RANBP10: variants seen among roughly 807,000 people sequenced by gnomAD.
The protein encoded by RANBP10 is ran-binding protein 10.
In RANBP10, 24 loss-of-function variants were observed where a neutral mutation model predicts 72.8. The ratio of observed to expected loss-of-function variants is 0.33; its 90% CI spans 0.24 to 0.46. RANBP10 has a LOEUF of 0.46. RANBP10 is among the 20% of genes least tolerant of loss of function. The pLI, the probability that RANBP10 is intolerant of heterozygous loss-of-function variation, is 1.00. For missense variants in RANBP10, 679 were observed against 817.5 expected, an observed-to-expected ratio of 0.83 and a Z score of 2.07; for synonymous variants, 310 against 322.3, an observed-to-expected ratio of 0.96 and a Z score of 0.41.
In RANBP10 at chr16:67,730,415, G is replaced by T. The variant is rs2053704326; in HGVS notation, c.890-369C>A. On this transcript the variant is annotated intron_variant, in intron 7 of 13. Transcript: ENST00000317506. The surrounding 1 kb of genome is among the most constrained non-coding windows in gnomAD (Gnocchi z 4.3). ...GGGCACCCAGGCAGCTTGGCGGCCT[G>T]AGTGGCTCCTCTTCAGACAGACTCC... is the stretch of plus-strand genomic sequence containing the variant. Among the ~76,000 whole-genome samples, 1 of 152,290 alleles carries T rather than the reference G, an allele frequency of 6.6e-6. No individual in the cohort carries two copies. The highest frequency in any genetic ancestry group is 2.1e-4 in the South Asian group (1 of 4,826).
rs145855261 is a variant in RANBP10, at chr16:67,747,403, G to A, written c.401-2948C>T. On this transcript the variant is annotated intron_variant, in intron 3 of 13. Coordinates refer to ENST00000317506, the MANE Select transcript of RANBP10 (RefSeq NM_020850.3). ...GTTTATTGTATTGCACTTGTTTATC[G>A]TATTGCACTGTAAAGGTTCTTGATG... is the stretch of plus-strand genomic sequence containing the variant. 3.3e-3 allele frequency among the ~76,000 whole-genome samples: 496 copies of A among 152,026 alleles called. 5 individuals are homozygous for A. Among genetic ancestry groups the A allele is most frequent in the African/African-American group, 0.011 (461 of 41,454 alleles).
rs139522687 is a variant in RANBP10 at position 67,778,631 on chromosome 16, G to A, written c.348-6545C>T. ...TGTGGGAGGCTGAGGCAGGAGGATC[G>A]CTTGAGCCCAGGAGTTTGGGACTAG... On this transcript the variant is annotated intron_variant, in intron 2 of 13. Coordinates refer to ENST00000317506, the MANE Select transcript of RANBP10 (RefSeq NM_020850.3). Among the ~76,000 whole-genome samples the A allele has an allele frequency of 4.9e-4, 75 of 152,272 alleles. 1 individual carries two copies. Among genetic ancestry groups the A allele is most frequent in the African/African-American group, 1.6e-3 (65 of 41,550 alleles).
At chr16:67,737,061 AAT>A (rs1392679329) in intron 5 of RANBP10, among the ~76,000 whole-genome samples, 1 of 151,808 alleles carries the variant, frequency 6.6e-6, no homozygotes, top group East Asian at 1.9e-4. Flanking sequence ...GATGACTCAT[AAT>A]AGAGACTGGA....
intron 2 of RANBP10, among the ~76,000 whole-genome samples, chr16:67,799,504 G>A (rs1380043723): frequency 6.6e-6 from 1 of 152,006 alleles, no homozygotes; most frequent in Non-Finnish European, 1.5e-5. Context: ...AGCCACGATG[G>A]TCTCGATCTC....
At chr16:67,740,238 G>T (rs1315673108) in intron 4 of RANBP10, among the ~76,000 whole-genome samples, 2 of 152,006 alleles carry the variant, frequency 1.3e-5, no homozygotes, top group African/African-American at 4.8e-5. Flanking sequence ...AAGTAGCTGG[G>T]ACTACAAGTG....
chr16:67,794,019 A>G (rs2055079558), intron 2 of RANBP10, among the ~76,000 whole-genome samples: 2 of 152,106 alleles, frequency 1.3e-5, no homozygotes, highest in Non-Finnish European at 2.9e-5. Flanking sequence ...AGCTAGGTCT[A>G]CAGAAGTATT....
intron 2 of RANBP10, among the ~76,000 whole-genome samples, chr16:67,778,366 A>T (rs1171394120): frequency 2.0e-5 from 3 of 152,068 alleles, no homozygotes; most frequent in Non-Finnish European, 2.9e-5. Context: ...AAAAAAAAAG[A>T]AGTTTTTTGC....
chr16:67,802,081 C>A (rs1346088494), intron 2 of RANBP10, among the ~76,000 whole-genome samples: 1 of 143,012 alleles, frequency 7.0e-6, no homozygotes, highest in Non-Finnish European at 1.5e-5. Flanking sequence ...AGCAACAGAG[C>A]GAGACCCTGC....
At chr16:67,785,942 C>T (rs1285528210) in intron 2 of RANBP10, among the ~76,000 whole-genome samples, 16 of 151,068 alleles carry the variant, frequency 1.1e-4, no homozygotes, top group Admixed American at 6.6e-4. Flanking sequence ...AGGAGAATGG[C>T]GTTAACTTGG....
chr16:67,748,590 G>T (rs755577275), intron 3 of RANBP10, among the ~76,000 whole-genome samples: 3 of 152,034 alleles, frequency 2.0e-5, no homozygotes, highest in African/African-American at 2.4e-5. Flanking sequence ...TATTTGTACA[G>T]ATAGGGTCTT....
At chr16:67,755,552 T>C (rs1436971327) in intron 3 of RANBP10, among the ~76,000 whole-genome samples, 1 of 151,948 alleles carries the variant, frequency 6.6e-6, no homozygotes, top group African/African-American at 2.4e-5. Context: ...GGCATTGTGG[T>C]ACATGCCTGT....
At chr16:67,794,746 A>T (rs1437047356) in intron 2 of RANBP10, among the ~76,000 whole-genome samples, 1 of 150,214 alleles carries the variant, frequency 6.7e-6, no homozygotes, top group African/African-American at 2.4e-5. Context: ...GATGGTCTTG[A>T]TCTCCTGACC....
In RANBP10 at chr16:67,799,478, G is replaced by A. The variant is rs1029604583; in HGVS notation, c.347+5950C>T. 1.3e-4 allele frequency among the ~76,000 whole-genome samples: 20 copies of A among 151,858 alleles called. 1 individual carries two copies. Among genetic ancestry groups the A allele is most frequent in the Non-Finnish European group, 4.4e-5 (3 of 67,966 alleles). On this transcript the variant is annotated intron_variant, in intron 2 of 13. Coordinates refer to ENST00000317506, the MANE Select transcript of RANBP10 (RefSeq NM_020850.3). ...AATTTTTTGTATTTTTAGTAGAGAC[G>A]GGGTTTCACCATGTTAGCCACGATG...
chr16:67,777,755 GA>G (rs1365381373), intron 2 of RANBP10, among the ~76,000 whole-genome samples: 5 of 152,026 alleles, frequency 3.3e-5, no homozygotes, highest in Non-Finnish European at 7.4e-5. Flanking sequence ...GTTTTCCACA[GA>G]AATAGAAAAA....
intron 3 of RANBP10, among the ~76,000 whole-genome samples, chr16:67,747,817 CTTTTTTTTTT>C (rs1160482023): frequency 8.2e-6 from 1 of 121,326 alleles, no homozygotes; most frequent in African/African-American, 3.0e-5. Context: ...ATTTTCTTTT[CTTTTTTTTTT>C]TTTTTTTTTT....
chr16:67,786,698 C>T (rs979512425), intron 2 of RANBP10, among the ~76,000 whole-genome samples: 3 of 152,144 alleles, frequency 2.0e-5, no homozygotes, highest in Non-Finnish European at 2.9e-5. Context: ...GAGGCCGAGG[C>T]GGGCAGATCA....
intron 2 of RANBP10, among the ~76,000 whole-genome samples, chr16:67,774,494 G>A (rs2054661661): frequency 1.3e-5 from 2 of 152,174 alleles, no homozygotes; most frequent in African/African-American, 4.8e-5. Context: ...CCTTCCTACA[G>A]ACTCTGCTCC....
At chr16:67,777,082 T>C (rs141791102) in intron 2 of RANBP10, among the ~76,000 whole-genome samples, 4,617 of 150,134 alleles carry the variant, frequency 0.031, 164 homozygotes, top group Non-Finnish European at 0.04. Flanking sequence ...TGGTGGTGCA[T>C]GCCTGTAATC....
At chr16:67,805,571 C>G (rs1597941160) in intron 1 of RANBP10, 32 bp from the exon 2 acceptor site, 1 of 1,585,214 alleles carries the variant, frequency 6.3e-7, no homozygotes, top group East Asian at 2.2e-5. Context: ...GAAATTTCAG[C>G]AGAAGGAAAT....
Sources: allele counts gnomAD v4.1 joint callset (sites outside exome capture counted in the v4.1 genomes callset), GRCh38; gene constraint gnomAD v4.1.1; non-coding constraint Gnocchi (gnomAD v3.1); transcripts MANE v1.5; gene names NCBI Gene and HGNC (gene_info 2026-07-23, HGNC 2026-07-21).